The following PACRG variants were observed in gnomAD, a reference collection of about 807,000 sequenced individuals.
PACRG encodes parkin coregulated.
In PACRG, 29 loss-of-function variants were observed where a neutral mutation model predicts 29.7. The ratio of observed to expected loss-of-function variants is 0.98; its 90% CI spans 0.73 to 1.33. PACRG has a LOEUF of 1.33. PACRG is among the 40% of genes most tolerant of loss of function. The pLI, the probability that PACRG is intolerant of heterozygous loss-of-function variation, is 0.00. For missense variants in PACRG, 279 were observed against 316.2 expected (o/e 0.88, Z 0.89); for synonymous variants, 116 against 118.7 (o/e 0.98, Z 0.15).
intron 2 of PACRG, among the ~76,000 whole-genome samples, chr6:162,867,115 C>T (rs140662115): frequency 1.6e-3 from 248 of 152,250 alleles, no homozygotes; most frequent in African/African-American, 5.7e-3. Context: ...TGTGAAGTTA[C>T]CTTTGCCAGC....
intron 2 of PACRG, among the ~76,000 whole-genome samples, chr6:162,932,669 T>C (rs1475338299): frequency 6.6e-6 from 1 of 151,940 alleles, no homozygotes; most frequent in Non-Finnish European, 1.5e-5. Flanking sequence ...TTTGTAGTTG[T>C]ATAGTTGTTT....
At chr6:162,903,976 C>T (rs573012618) in intron 2 of PACRG, among the ~76,000 whole-genome samples, 2 of 152,224 alleles carry the variant, frequency 1.3e-5, no homozygotes, top group East Asian at 1.9e-4. Flanking sequence ...GTCTGAAATC[C>T]ACAGGGCAGG....
At chr6:162,849,643 T>G (rs1790697488) in intron 2 of PACRG, among the ~76,000 whole-genome samples, 1 of 152,248 alleles carries the variant, frequency 6.6e-6, no homozygotes, top group Admixed American at 6.5e-5. Flanking sequence ...ATTGCTGTAT[T>G]TACTTTTTAT....
intron 2 of PACRG, among the ~76,000 whole-genome samples, chr6:162,989,959 A>C (rs545107143): frequency 6.6e-6 from 1 of 151,686 alleles, no homozygotes; most frequent in African/African-American, 2.4e-5. Context: ...TCATTGTTCA[A>C]TTCCCACCTA....
chr6:162,859,723 T>G (rs1410049644), intron 2 of PACRG, among the ~76,000 whole-genome samples: 1 of 152,196 alleles, frequency 6.6e-6, no homozygotes, highest in East Asian at 1.9e-4. Context: ...CAAATAAGCC[T>G]TGCAGAGTCC....
chr6:162,924,452 C>A (rs1324752523), intron 2 of PACRG, among the ~76,000 whole-genome samples: 1 of 152,032 alleles, frequency 6.6e-6, no homozygotes, highest in Non-Finnish European at 1.5e-5. Context: ...AGTGGGCATC[C>A]TTGTCTTGTT....
intron 1 of PACRG, among the ~76,000 whole-genome samples, chr6:162,754,474 C>A (rs1781743840): frequency 6.6e-6 from 1 of 152,084 alleles, no homozygotes; most frequent in Non-Finnish European, 1.5e-5. Flanking sequence ...TTGATGCCAT[C>A]CATTTGTCTA....
At chr6:163,145,375 T>C (rs940791889) in intron 4 of PACRG, among the ~76,000 whole-genome samples, 2 of 152,246 alleles carry the variant, frequency 1.3e-5, no homozygotes, top group African/African-American at 4.8e-5. Context: ...AACCTAGTCA[T>C]GCAGTGTACA....
chr6:163,251,135 A>T (rs1293972430), intron 4 of PACRG, among the ~76,000 whole-genome samples: 1 of 151,952 alleles, frequency 6.6e-6, no homozygotes, highest in East Asian at 1.9e-4. Flanking sequence ...GTCAGGGATA[A>T]GAGAATACAT....
chr6:162,755,405 C>T (rs561690460), intron 1 of PACRG, among the ~76,000 whole-genome samples: 1 of 151,508 alleles, frequency 6.6e-6, no homozygotes, highest in East Asian at 1.9e-4. Context: ...TCTTTTTCTT[C>T]TTCCTCCTCC....
At chr6:163,282,712 CAAA>C (rs558182240) in intron 4 of PACRG, among the ~76,000 whole-genome samples, 7 of 91,270 alleles carry the variant, frequency 7.7e-5, no homozygotes, top group African/African-American at 7.8e-5. Context: ...AACTCCATCT[CAAA>C]AAAAAAAAAA....
At chr6:163,120,020 T>C (rs535116198) in intron 4 of PACRG, among the ~76,000 whole-genome samples, 1 of 152,302 alleles carries the variant, frequency 6.6e-6, no homozygotes, top group African/African-American at 2.4e-5. Flanking sequence ...TTGTAGAGTA[T>C]TAGTTTTCCC....
At chr6:163,191,730 C>G (rs755384635) in intron 4 of PACRG, 1 of 456,408 alleles carries the variant, frequency 2.2e-6, no homozygotes, top group South Asian at 1.5e-5. Flanking sequence ...CCATCTTCTC[C>G]ACTCCCACTC....
chr6:162,804,968 C>G (rs1232961136), intron 1 of PACRG, among the ~76,000 whole-genome samples: 2 of 152,096 alleles, frequency 1.3e-5, no homozygotes, highest in Non-Finnish European at 2.9e-5. Context: ...GTGTTGTAGC[C>G]TATTGCTCCT....
Position 162,775,368 on chromosome 6 carries a change from C to T in PACRG, c.157-38779C>T, listed in dbSNP as rs990245940. Among the ~76,000 whole-genome samples the T allele has an allele frequency of 7.0e-4, 106 of 152,212 alleles. 2 individuals carry two copies. The highest frequency in any genetic ancestry group is 1.8e-4 in the Non-Finnish European group (12 of 68,042). On this transcript the variant is annotated intron_variant, in intron 1 of 4. Coordinates refer to ENST00000366888, the MANE Select transcript of PACRG (RefSeq NM_001080379.2). The stretch of plus-strand genomic sequence containing the variant: ...ATTTGACCTCTGTGCTTACCTGTTA[C>T]TAGTAATCAAAACATTTTAGACTTT...
At chr6:163,215,673 G>A (rs1781333163) in intron 4 of PACRG, among the ~76,000 whole-genome samples, 1 of 152,186 alleles carries the variant, frequency 6.6e-6, no homozygotes, top group Admixed American at 6.5e-5. Flanking sequence ...GACTGTGGTG[G>A]TTAATGAGAT....
intron 4 of PACRG, among the ~76,000 whole-genome samples, chr6:163,213,326 A>ACAAAC (rs1781231011): frequency 6.6e-6 from 1 of 152,172 alleles, no homozygotes; most frequent in Non-Finnish European, 1.5e-5. Context: ...ACAAAACAAA[A>ACAAAC]CTGAAGAACT....
At chr6:162,896,037 G>A (rs756620242) in intron 2 of PACRG, among the ~76,000 whole-genome samples, 1 of 152,108 alleles carries the variant, frequency 6.6e-6, no homozygotes, top group Non-Finnish European at 1.5e-5. Context: ...AAGCTTGATT[G>A]CTCCCAGCAG....
chr6:162,911,395 C>G (rs1171745852), intron 2 of PACRG, among the ~76,000 whole-genome samples: 1 of 152,206 alleles, frequency 6.6e-6, no homozygotes, highest in Non-Finnish European at 1.5e-5. Flanking sequence ...TTTCTACCTC[C>G]TATTACCAAA....
Sources: allele counts gnomAD v4.1 joint callset (sites outside exome capture counted in the v4.1 genomes callset), GRCh38; gene constraint gnomAD v4.1.1; transcripts MANE v1.5; gene names NCBI Gene and HGNC (gene_info 2026-07-23, HGNC 2026-07-21).